SSPN: variants seen among roughly 807,000 people sequenced by gnomAD.
The protein encoded by SSPN is sarcospan, also known as K-ras oncogene-associated protein.
Under a neutral mutation model 19.1 loss-of-function variants are expected in SSPN, and 15 were observed. The ratio of observed to expected loss-of-function variants is 0.78; its 90% confidence interval spans 0.52 to 1.21. The LOEUF (loss-of-function observed/expected upper bound fraction) is 1.21. Ranked by LOEUF, SSPN falls within the 50% of genes most tolerant of loss-of-function variation. The pLI, the probability that SSPN is intolerant of heterozygous loss-of-function variation, is 0.00. For missense variants in SSPN, 291 were observed against 314.0 expected (o/e 0.93, Z 0.55); for synonymous variants, 147 against 140.3 (o/e 1.05, Z -0.34).
rs1160207114 is a variant in SSPN, at chr12:26,233,134, T to G, written c.*2058T>G. The G allele has an allele frequency of 6.6e-6, 1 of 151,986 alleles. No homozygotes were observed. The highest frequency in any genetic ancestry group is 1.5e-5 in the Non-Finnish European group (1 of 67,978). The allele number at this position is 151,986 out of a possible 1,614,324, so 9.4% of individuals were successfully genotyped here. On this transcript the variant is annotated 3_prime_UTR_variant, in exon 3 of 3. Transcript: ENST00000242729. The surrounding 1 kb of genome is among the most constrained non-coding windows in gnomAD (Gnocchi z 4.3). Reference sequence around the variant, plus strand: ...CCCGAATTTCTTTAACAACAACATTTTATAGTGAACACTACAAGTTTTTAT... The same window carrying G: ...CCCGAATTTCTTTAACAACAACATTGTATAGTGAACACTACAAGTTTTTAT...
intron 1 of SSPN, chr12:26,126,353 T>G (rs987756801): frequency 1.3e-5 from 2 of 152,116 alleles, no homozygotes; most frequent in African/African-American, 2.4e-5. Flanking sequence ...CATAAAGACA[T>G]AGAGAAAAAA....
Position 26,141,781 on chromosome 12 carries a change from C to T in SSPN, c.-31+19629C>T, listed in dbSNP as rs116686247. On this transcript the variant is annotated intron_variant, in intron 1 of 2. Coordinates refer to the SSPN transcript ENST00000538142. ...TAGTATATCATTTTCATTCAGTAAA[C>T]GCTCAGTGAATGTATGTTTTTTAAA... 3.1e-3 allele frequency among the ~76,000 whole-genome samples: 468 copies of T among 152,258 alleles called. 3 individuals carry two copies. Among genetic ancestry groups the T allele is most frequent in the African/African-American group, 0.011 (448 of 41,546 alleles).
At chr12:26,173,145 G>A (rs1259866082) in intron 1 of SSPN, among the ~76,000 whole-genome samples, 8 of 152,112 alleles carry the variant, frequency 5.3e-5, no homozygotes, top group Admixed American at 6.5e-5. Context: ...AATGGCTGAC[G>A]GGCTTCTGGG....
intron 1 of SSPN, among the ~76,000 whole-genome samples, chr12:26,146,859 G>T (rs1944494902): frequency 6.9e-6 from 1 of 144,348 alleles, no homozygotes; most frequent in African/African-American, 2.5e-5. Context: ...CCAACAATAA[G>T]GTCAATAAGC....
chr12:26,195,641 G>GCGGGGGGGGGCCCCCC lies in SSPN; in HGVS notation c.-31_-30insGGGGGGGGGCCCCCCC. On this transcript the variant is annotated 5_prime_UTR_variant, in exon 1 of 3. Transcript: ENST00000242729. ...CTCCAGGGCCCAGGGCGCCGCACAC[G>GCGGGGGGGGGCCCCCC]CACCCACCCACCCACCCAGCCTCGC... The GCGGGGGGGGGCCCCCC allele has an allele frequency of 9.0e-7, 1 of 1,105,402 alleles. No homozygotes were observed. Among genetic ancestry groups the GCGGGGGGGGGCCCCCC allele is most frequent in the Non-Finnish European group, 1.1e-6 (1 of 878,120 alleles). The allele number at this position is 1,105,402 out of a possible 1,614,324, so 68.5% of individuals were successfully genotyped here.
chr12:26,122,054 G>T, exon 1 of SSPN: 2 of 1,549,294 alleles, frequency 1.3e-6, no homozygotes, highest in Middle Eastern at 3.3e-4. Context: ...CCGTCCTTCG[G>T]GACGCAAGGA....
intron 1 of SSPN, among the ~76,000 whole-genome samples, chr12:26,198,360 G>T (rs908443346): frequency 2.6e-5 from 4 of 152,186 alleles, no homozygotes; most frequent in Non-Finnish European, 5.9e-5. Flanking sequence ...GCTAACTTGT[G>T]TGCCGAATAA....
In SSPN at chr12:26,230,822, G is replaced by A. The variant is rs201617172; in HGVS notation, c.478G>A (p.Asp160Asn). ...ACAGTTTACCTGTGAGACCACACTC[G>A]ACTCTTGCCAGTGCAAACTGCCCTC... is the stretch of plus-strand genomic sequence containing the variant. The part of the protein sequence containing the change: ...LTQFTCETTL[D>N]SCQCKLPSSE... The change falls in exon 3 of 3, where the codon GAC becomes AAC. Residue 160 changes from aspartate (D) to asparagine (N), a missense_variant. Around this residue, in one of 3 missense-constraint regions of SSPN, gnomAD observed 141 missense variants for 166.7 expected, o/e 0.85. Transcript: ENST00000242729. 26 of 1,614,190 alleles carry A rather than the reference G, an allele frequency of 1.6e-5. No homozygotes were observed. In the East Asian group the frequency reaches 3.8e-4, roughly 24 times the overall value.
At chr12:26,205,475 C>T (rs1944923486) in intron 1 of SSPN, among the ~76,000 whole-genome samples, 1 of 152,136 alleles carries the variant, frequency 6.6e-6, no homozygotes, top group Non-Finnish European at 1.5e-5. Context: ...TCTAAAGTAT[C>T]AGGTGTGGCA....
At chr12:26,212,627 T>G (rs1338421064) in intron 1 of SSPN, among the ~76,000 whole-genome samples, 2 of 151,910 alleles carry the variant, frequency 1.3e-5, no homozygotes, top group Non-Finnish European at 2.9e-5. Context: ...GAGCTTTTCA[T>G]CGGCAACTTT....
At chr12:26,201,745 T>C (rs1944887838) in intron 1 of SSPN, among the ~76,000 whole-genome samples, 2 of 152,194 alleles carry the variant, frequency 1.3e-5, no homozygotes, top group Admixed American at 6.5e-5. Flanking sequence ...TTGATAGAAA[T>C]ACTGGTACAT....
intron 1 of SSPN, among the ~76,000 whole-genome samples, chr12:26,137,656 A>ATAT (rs1377562695): frequency 1.0e-3 from 79 of 76,446 alleles, no homozygotes; most frequent in East Asian, 1.4e-3. Flanking sequence ...ATATATATAT[A>ATAT]TTTTTTTTTT....
chr12:26,166,073 G>A (rs1007608329), intron 1 of SSPN, among the ~76,000 whole-genome samples: 6 of 152,266 alleles, frequency 3.9e-5, no homozygotes, highest in African/African-American at 1.4e-4. Flanking sequence ...GTTGAACAAT[G>A]AGAACACATG....
intron 1 of SSPN, among the ~76,000 whole-genome samples, chr12:26,134,242 T>G (rs1944413059): frequency 6.6e-6 from 1 of 152,174 alleles, no homozygotes; most frequent in Admixed American, 6.5e-5. Flanking sequence ...CTGTTTTGAT[T>G]GATTAGAATG....
chr12:26,196,396 C>T (rs1416357069), intron 1 of SSPN, among the ~76,000 whole-genome samples: 4 of 152,186 alleles, frequency 2.6e-5, no homozygotes, highest in Non-Finnish European at 4.4e-5. Context: ...TTGGAGTTGC[C>T]ACATTGAGTA....
chr12:26,172,980 A>T (rs192042018), intron 1 of SSPN, among the ~76,000 whole-genome samples: 2 of 152,286 alleles, frequency 1.3e-5, no homozygotes, highest in Admixed American at 1.3e-4. Context: ...GAGAGTAAAG[A>T]CAATTTTTTA....
chr12:26,155,085 GA>G (rs1415500771), intron 1 of SSPN, among the ~76,000 whole-genome samples: 2 of 152,002 alleles, frequency 1.3e-5, no homozygotes, highest in African/African-American at 4.8e-5. Context: ...CTTTTTAGGG[GA>G]AAAAAAGCAA....
intron 1 of SSPN, among the ~76,000 whole-genome samples, chr12:26,135,486 A>AG (rs1361530867): frequency 1.3e-5 from 2 of 152,152 alleles, no homozygotes; most frequent in Non-Finnish European, 2.9e-5. Flanking sequence ...AAGATGCAGG[A>AG]GGCAGGAACC....
Position 26,230,697 on chromosome 12 carries a change from C to T in SSPN, c.367-14C>T. On this transcript the variant is annotated splice_polypyrimidine_tract_variant and intron_variant, in intron 2 of 2. Coordinates refer to ENST00000242729, the MANE Select transcript of SSPN (RefSeq NM_005086.5). ...TCTTTGTAACCAGAAAGGTTTTCTT[C>T]TGCTTTCTTGCAGCTGTTATACTTT... 1 of 1,586,110 alleles carries T rather than the reference C, an allele frequency of 6.3e-7. No individual in the cohort carries two copies. The highest frequency in any genetic ancestry group is 8.6e-7 in the Non-Finnish European group (1 of 1,162,594).
Sources: allele counts gnomAD v4.1 joint callset (sites outside exome capture counted in the v4.1 genomes callset), GRCh38; gene constraint gnomAD v4.1.1; regional missense constraint gnomAD v4.1.1; non-coding constraint Gnocchi (gnomAD v3.1); transcripts MANE v1.5; gene names NCBI Gene and HGNC (gene_info 2026-07-23, HGNC 2026-07-21).